Variants in KDM2B observed in about 807,000 individuals in gnomAD.
KDM2B encodes lysine demethylase 2B.
KDM2B carries 26 observed loss-of-function variants against 150.0 expected under a neutral mutation model. The observed-to-expected ratio is 0.17, with a 90% CI of 0.13 to 0.24. The LOEUF (loss-of-function observed/expected upper bound fraction) is 0.24. Among genes scored for constraint, KDM2B ranks in the 10% least tolerant of loss-of-function variants. The pLI is 1.00. For synonymous variants in KDM2B, 734 were observed against 729.5 expected (o/e 1.01, Z -0.10); for missense variants, 1,265 against 1,816.9 (o/e 0.70, Z 5.52).
chr12:121,554,092 C>T (rs1889723563), intron 4 of KDM2B, among the ~76,000 whole-genome samples: 1 of 142,536 alleles, frequency 7.0e-6, no homozygotes, highest in Non-Finnish European at 1.5e-5. Context: ...CACAAATTGG[C>T]CAAGCATGGT....
chr12:121,431,879 CTTTT>C (rs77237915), intron 22 of KDM2B, among the ~76,000 whole-genome samples: 2 of 122,398 alleles, frequency 1.6e-5, no homozygotes, highest in Non-Finnish European at 1.6e-5. Context: ...TTTCTTTTTT[CTTTT>C]TTTTTTTTTT....
the KDM2B span, among the ~76,000 whole-genome samples, chr12:121,422,486 G>A: frequency 6.6e-6 from 1 of 152,210 alleles, no homozygotes; most frequent in African/African-American, 2.4e-5. Flanking sequence ...TCATCCCATA[G>A]ATCCTTTCTC....
chr12:121,553,751 G>A (rs551756393), intron 4 of KDM2B, among the ~76,000 whole-genome samples: 24 of 152,226 alleles, frequency 1.6e-4, no homozygotes, highest in African/African-American at 5.1e-4. Context: ...CAGTTAAATC[G>A]TTGCTGGCCA....
In KDM2B at chr12:121,439,847, CCT is replaced by C. The variant is rs1874682370; in HGVS notation, c.3829+8_3829+9del. 1.1e-5 allele frequency: 17 copies of C among 1,612,982 alleles called. No homozygotes were observed. Among genetic ancestry groups the C allele is most frequent in the Non-Finnish European group, 1.1e-5 (13 of 1,179,040 alleles). Reference sequence around the variant, plus strand: ...GTGTTAGGCAGACCCGATGGGGGCCCCTGACTCACCAGACAGGTTGATCTCGG... The same window carrying C: ...GTGTTAGGCAGACCCGATGGGGGCCCGACTCACCAGACAGGTTGATCTCGG... On this transcript the variant is annotated splice_region_variant and intron_variant, in intron 22 of 22. Transcript: ENST00000377071.
intron 12 of KDM2B, among the ~76,000 whole-genome samples, chr12:121,486,574 G>A (rs1555298977): frequency 2.0e-5 from 3 of 151,920 alleles, no homozygotes; most frequent in East Asian, 1.9e-4. Flanking sequence ...AGCACATGAG[G>A]TCAGGAATTT....
chr12:121,440,735 T>G, intron 21 of KDM2B, 81 bp downstream of exon 21: 1 of 1,325,432 alleles, frequency 7.5e-7, no homozygotes, highest in Non-Finnish European at 1.0e-6. Context: ...GGGGAACAGC[T>G]GGGGTCTGAG....
chr12:121,566,230 C>G (rs1555314909), intron 4 of KDM2B, among the ~76,000 whole-genome samples: 1 of 152,148 alleles, frequency 6.6e-6, no homozygotes, highest in African/African-American at 2.4e-5. Flanking sequence ...GTGGCTCACA[C>G]CTGTAATCCC....
At chr12:121,416,008 C>A in the KDM2B span, 2 of 611,530 alleles carry the variant, frequency 3.3e-6, no homozygotes, top group East Asian at 5.6e-5. Context: ...AAATTCTTTC[C>A]AAATGGCTTG....
intron 4 of KDM2B, among the ~76,000 whole-genome samples, chr12:121,572,062 G>A (rs1383099566): frequency 6.6e-6 from 1 of 152,156 alleles, no homozygotes; most frequent in Non-Finnish European, 1.5e-5. Flanking sequence ...ACTGGGTGTG[G>A]TGGTACACGG....
intron 12 of KDM2B, among the ~76,000 whole-genome samples, chr12:121,481,161 C>T (rs1242263622): frequency 6.6e-6 from 1 of 152,004 alleles, no homozygotes; most frequent in African/African-American, 2.4e-5. Context: ...CAATTCCAGA[C>T]CTCAAATGAT....
the KDM2B span, among the ~76,000 whole-genome samples, chr12:121,421,921 G>A: frequency 2.0e-5 from 3 of 152,128 alleles, no homozygotes; most frequent in Non-Finnish European, 4.4e-5. Flanking sequence ...TGATGAACAG[G>A]TTTATGCCCA....
intron 11 of KDM2B, among the ~76,000 whole-genome samples, chr12:121,502,754 C>T (rs1236481496): frequency 8.0e-6 from 1 of 124,712 alleles, no homozygotes; most frequent in Non-Finnish European, 1.6e-5. Flanking sequence ...AGACCCCCAT[C>T]TCTACCAAAA....
chr12:121,461,064 A>C (rs1267149528), intron 12 of KDM2B, among the ~76,000 whole-genome samples: 1 of 152,168 alleles, frequency 6.6e-6, no homozygotes, highest in Non-Finnish European at 1.5e-5. Flanking sequence ...ATGCTAACCC[A>C]GAAGAGATGC....
At chr12:121,479,038 A>G (rs1484987935) in intron 12 of KDM2B, among the ~76,000 whole-genome samples, 6 of 152,114 alleles carry the variant, frequency 3.9e-5, no homozygotes, top group African/African-American at 1.4e-4. Flanking sequence ...CTTGAAGCTC[A>G]GGGGTAAAGG....
At position 121,521,209 on chromosome 12, in the gene KDM2B, G is replaced by T; in HGVS notation, c.932-109C>A. The T allele has an allele frequency of 1.4e-6, 1 of 722,936 alleles. No homozygotes were observed. The highest frequency in any genetic ancestry group is 2.4e-6 in the Non-Finnish European group (1 of 416,606). The allele number at this position is 722,936 out of a possible 1,614,324, so 44.8% of individuals were successfully genotyped here. ...AGCGTGCAGGAGGGTGCAGGGAGTGGAGAAGAGCAGCCAGGGCCTGGGGCA... is the reference window on the plus strand; with the variant it reads ...AGCGTGCAGGAGGGTGCAGGGAGTGTAGAAGAGCAGCCAGGGCCTGGGGCA... On this transcript the variant is annotated intron_variant, in intron 8 of 22. Transcript: ENST00000377071. The surrounding 1 kb of genome is among the most constrained non-coding windows in gnomAD (Gnocchi z 4.9).
chr12:121,460,842 C>A (rs1879014606), intron 12 of KDM2B, among the ~76,000 whole-genome samples: 1 of 152,158 alleles, frequency 6.6e-6, no homozygotes, highest in African/African-American at 2.4e-5. Context: ...AGCAATCCTA[C>A]CACCTCAGGC....
intron 6 of KDM2B, among the ~76,000 whole-genome samples, chr12:121,541,096 G>T (rs939899825): frequency 2.6e-5 from 4 of 152,016 alleles, no homozygotes; most frequent in Non-Finnish European, 5.9e-5. Context: ...GCCAGCCGTG[G>T]TGGCACATGC....
rs143015922 is a variant in KDM2B at position 121,517,824 on chromosome 12, C to T, written c.1047+3161G>A. Among the ~76,000 whole-genome samples the T allele has an allele frequency of 1.6e-3, 236 of 152,004 alleles. 2 individuals carry two copies. The highest frequency in any genetic ancestry group is 4.4e-3 in the South Asian group (21 of 4,800). On this transcript the variant is annotated intron_variant, in intron 9 of 22. Transcript: ENST00000377071. Reference sequence around the variant, plus strand: ...CACACCATGGAGCTTGGAGACTGACCGATGGTTCCCTCTGTCCCACCTCCT... The same window carrying T: ...CACACCATGGAGCTTGGAGACTGACTGATGGTTCCCTCTGTCCCACCTCCT...
intron 1 of KDM2B, 191 bp downstream of exon 1, chr12:121,580,595 G>T: frequency 1.1e-6 from 1 of 922,830 alleles, no homozygotes; most frequent in Non-Finnish European, 1.5e-6. Flanking sequence ...AAGGAGGAGG[G>T]GGCGGGGAGG....
Sources: gnomAD v4.1 joint callset for allele counts (sites outside exome capture counted in the v4.1 genomes callset) on GRCh38, gnomAD v4.1.1 for gene constraint, Gnocchi (gnomAD v3.1) non-coding constraint, MANE v1.5 for transcripts, NCBI Gene and HGNC (gene_info 2026-07-23, HGNC 2026-07-21) for gene names.